ADAMTS17: variants seen among roughly 807,000 people sequenced by gnomAD.
ADAMTS17 encodes A disintegrin and metalloproteinase with thrombospondin motifs 17.
In ADAMTS17, 113 loss-of-function variants were observed where a neutral mutation model predicts 141.5. The observed-to-expected ratio is 0.80, with a 90% CI of 0.69 to 0.93. ADAMTS17 has a LOEUF of 0.93. Among genes scored for constraint, ADAMTS17 ranks in the 40% least tolerant of loss-of-function variants. The pLI is 0.00. For synonymous variants in ADAMTS17, 768 were observed against 630.6 expected, an observed-to-expected ratio of 1.22 and a Z score of -3.27; for missense variants, 1,659 against 1,517.9, an observed-to-expected ratio of 1.09 and a Z score of -1.54.
At chr15:100,244,914 G>T (rs1013524345) in intron 7 of ADAMTS17, among the ~76,000 whole-genome samples, 1 of 152,140 alleles carries the variant, frequency 6.6e-6, no homozygotes, top group Admixed American at 6.5e-5. Flanking sequence ...TTCCATTTAT[G>T]ATTCTACTCC....
chr15:100,174,050 GC>G (rs1180047483), intron 8 of ADAMTS17, among the ~76,000 whole-genome samples: 6 of 152,160 alleles, frequency 3.9e-5, no homozygotes, highest in African/African-American at 1.2e-4. Context: ...CACAGATCAA[GC>G]CCCCTCTTTA....
intron 18 of ADAMTS17, among the ~76,000 whole-genome samples, chr15:100,027,890 G>A (rs376980647): frequency 6.6e-6 from 1 of 152,290 alleles, no homozygotes; most frequent in East Asian, 1.9e-4. Flanking sequence ...AGTGGGCTGG[G>A]GAGTAGAATG....
At chr15:100,058,282 TAACCCTCCTATCCCGGCTC>T (rs1481983356) in intron 15 of ADAMTS17, among the ~76,000 whole-genome samples, 1 of 81,174 alleles carries the variant, frequency 1.2e-5, no homozygotes. Context: ...ATCCCGGCTC[TAACCCTCCTATCCCGGCTC>T]TAACACCCCT....
At position 100,100,111 on chromosome 15, in the gene ADAMTS17, T is replaced by C. The variant is rs548846627; in HGVS notation, c.2017-3635A>G. Reference sequence around the variant, plus strand: ...TGATTCACCCGTGGTGCCTGTTATGTGCCTAACCTGGAAATAAAGACATGT... The same window carrying C: ...TGATTCACCCGTGGTGCCTGTTATGCGCCTAACCTGGAAATAAAGACATGT... On this transcript the variant is annotated intron_variant, in intron 14 of 21. Coordinates refer to ENST00000268070, the MANE Select transcript of ADAMTS17 (RefSeq NM_139057.4). Among the ~76,000 whole-genome samples the C allele has an allele frequency of 2.6e-4, 39 of 152,324 alleles. 1 individual carries two copies. The South Asian group carries it at 2.7e-3, about 11-fold the overall frequency.
intron 7 of ADAMTS17, among the ~76,000 whole-genome samples, chr15:100,222,211 C>T (rs530111699): frequency 6.8e-4 from 104 of 152,232 alleles, no homozygotes; most frequent in Non-Finnish European, 1.3e-3. Flanking sequence ...CAAAATAGAT[C>T]CCAGAAAGGA....
chr15:100,331,020 A>G lies in ADAMTS17; in HGVS notation c.485T>C (p.Leu162Pro). ...GLIQLGQEQV[L>P]IQPLNNSQGP... The stretch of plus-strand genomic sequence containing the variant: ...CTGGGAGTTGTTGAGGGGCTGGATT[A>G]GCACCTGCTCCTGCCCAAGCTGAAT... Residue 162 changes from leucine to proline, a missense_variant, in exon 3 of 22, where the codon CTA (leucine) becomes CCA (proline). By Grantham distance (98) the Leu-to-Pro change is moderately conservative (BLOSUM62 -3). Coordinates refer to ENST00000268070, the MANE Select transcript of ADAMTS17 (RefSeq NM_139057.4). The G allele has an allele frequency of 6.2e-7, 1 of 1,614,120 alleles. No individual in the cohort carries two copies. The highest frequency in any genetic ancestry group is 8.5e-7 in the Non-Finnish European group (1 of 1,180,022).
At chr15:100,058,581 A>G (rs1456933616) in intron 15 of ADAMTS17, among the ~76,000 whole-genome samples, 1 of 151,936 alleles carries the variant, frequency 6.6e-6, no homozygotes, top group African/African-American at 2.4e-5. Flanking sequence ...AGACGGTTAT[A>G]AGACCATCCT....
At chr15:100,238,529 GA>G (rs2042729751) in intron 7 of ADAMTS17, among the ~76,000 whole-genome samples, 1 of 152,210 alleles carries the variant, frequency 6.6e-6, no homozygotes, top group African/African-American at 2.4e-5. Context: ...CCTGAACACA[GA>G]ATCTGTGATG....
intron 8 of ADAMTS17, among the ~76,000 whole-genome samples, chr15:100,188,794 A>G (rs1017729772): frequency 2.0e-5 from 3 of 152,228 alleles, no homozygotes; most frequent in Admixed American, 2.0e-4. Flanking sequence ...ACAATCCCTG[A>G]AAGCCTTCTA....
intron 8 of ADAMTS17, among the ~76,000 whole-genome samples, chr15:100,159,522 A>C (rs1382425599): frequency 3.3e-5 from 5 of 152,198 alleles, no homozygotes; most frequent in African/African-American, 1.2e-4. Context: ...CTGGTGAGAG[A>C]GTTTTTAAAT....
At chr15:100,180,625 CAG>C in intron 8 of ADAMTS17, among the ~76,000 whole-genome samples, 1 of 152,168 alleles carries the variant, frequency 6.6e-6, no homozygotes, top group East Asian at 1.9e-4. Flanking sequence ...GATGTTTTAA[CAG>C]TATTTATTCT....
chr15:100,288,930 A>T (rs540818199), intron 3 of ADAMTS17, among the ~76,000 whole-genome samples: 21 of 152,356 alleles, frequency 1.4e-4, no homozygotes, highest in African/African-American at 4.8e-4. Flanking sequence ...ATCTGACATC[A>T]CACCTTGAGG....
chr15:100,001,784 G>A (rs568699801), intron 18 of ADAMTS17, among the ~76,000 whole-genome samples: 4 of 151,826 alleles, frequency 2.6e-5, no homozygotes, highest in East Asian at 1.9e-4. Context: ...CAGCCTGGCC[G>A]GTATGGTGAA....
rs1531692 is a variant in ADAMTS17 at position 100,214,540 on chromosome 15, A to G, written c.1076-15117T>C. ...AAAAGTATAATAATAAAAAACTTGA[A>G]AAGGCAAAATAAATTTTTTAAAGGA... On this transcript the variant is annotated intron_variant, in intron 7 of 21. Transcript: ENST00000268070. 4.6e-3 allele frequency among the ~76,000 whole-genome samples: 702 copies of G among 152,266 alleles called. 10 individuals carry two copies. Among genetic ancestry groups the G allele is most frequent in the African/African-American group, 0.017 (690 of 41,524 alleles).
intron 18 of ADAMTS17, among the ~76,000 whole-genome samples, chr15:100,019,817 C>T (rs1175102717): frequency 1.3e-5 from 2 of 152,198 alleles, no homozygotes; most frequent in African/African-American, 4.8e-5. Context: ...TGCCGTGGTT[C>T]TGAGCCTAAG....
In ADAMTS17 at chr15:100,292,167, A is replaced by G. The variant is rs1248229082; in HGVS notation, c.617-10766T>C. ...TCACGAGACACGCTCACCCCGTGGG[A>G]AACTACGAGACACGCTCACCCCGTG... On this transcript the variant is annotated intron_variant, in intron 3 of 21. Coordinates refer to ENST00000268070, the MANE Select transcript of ADAMTS17 (RefSeq NM_139057.4). 2.3e-3 allele frequency among the ~76,000 whole-genome samples: 320 copies of G among 139,678 alleles called. 3 individuals carry two copies. The highest frequency in any genetic ancestry group is 8.0e-3 in the East Asian group (34 of 4,238). 91.6% of individuals were successfully genotyped at this position (139,678 alleles called of 152,430 possible).
chr15:100,305,305 C>T (rs1261186888), intron 3 of ADAMTS17, among the ~76,000 whole-genome samples: 1 of 152,198 alleles, frequency 6.6e-6, no homozygotes. Flanking sequence ...TAGCTTCTTG[C>T]CAGATTTGTT....
At chr15:100,221,318 C>T (rs2042127471) in intron 7 of ADAMTS17, among the ~76,000 whole-genome samples, 1 of 151,788 alleles carries the variant, frequency 6.6e-6, no homozygotes, top group Non-Finnish European at 1.5e-5. Flanking sequence ...GTCTCACTGC[C>T]TGTAGACTCT....
At chr15:100,199,564 G>T in intron 7 of ADAMTS17, 141 bp from the exon 8 acceptor site, 1 of 771,120 alleles carries the variant, frequency 1.3e-6, no homozygotes, top group Admixed American at 1.8e-5. Flanking sequence ...GCCCACCTGG[G>T]AAGGGTTTGT....
Sources: gnomAD v4.1 joint callset for allele counts (sites outside exome capture counted in the v4.1 genomes callset) on GRCh38, gnomAD v4.1.1 for gene constraint, MANE v1.5 for transcripts, NCBI Gene and HGNC (gene_info 2026-07-23, HGNC 2026-07-21) for gene names.